Variants in SETD2 observed in about 807,000 individuals in gnomAD.
SETD2 encodes the protein SET domain containing 2, histone lysine methyltransferase.
A neutral mutation model predicts 242.1 loss-of-function variants in SETD2; 31 were observed. The observed-to-expected ratio is 0.13, with a 90% CI of 0.10 to 0.17. SETD2 has a LOEUF of 0.17. Ranked by LOEUF, SETD2 falls within the 10% of genes least tolerant of loss-of-function variation. The probability of loss-of-function intolerance (pLI) is 1.00; values close to 1 mark genes in which losing one functional copy is unlikely to be tolerated. For missense variants in SETD2, 2,481 were observed against 3,046.3 expected (o/e 0.81, Z 4.37); for synonymous variants, 1,006 against 1,066.5 (o/e 0.94, Z 1.11).
At chr3:47,085,382 T>C (rs907988777) in intron 11 of SETD2, among the ~76,000 whole-genome samples, 1 of 152,254 alleles carries the variant, frequency 6.6e-6, no homozygotes, top group Non-Finnish European at 1.5e-5. Flanking sequence ...ATGTCTGTCA[T>C]ACACACAAAA....
chr3:47,046,396 A>AAAAACCCAAAAG, intron 16 of SETD2, 91 bp downstream of exon 16: 1 of 1,241,106 alleles, frequency 8.1e-7, no homozygotes, highest in Non-Finnish European at 1.1e-6. Flanking sequence ...AAACCCAAAA[A>AAAAACCCAAAAG]TAAAACCCAA....
intron 1 of SETD2, among the ~76,000 whole-genome samples, chr3:47,158,774 G>C (rs1419411704): frequency 6.6e-6 from 1 of 152,090 alleles, no homozygotes; most frequent in African/African-American, 2.4e-5. Flanking sequence ...TTGATCAAGA[G>C]TCACCTGCAT....
At chr3:47,148,242 T>C (rs2043907839) in intron 1 of SETD2, among the ~76,000 whole-genome samples, 1 of 152,008 alleles carries the variant, frequency 6.6e-6, no homozygotes. Flanking sequence ...ACAATTCTCC[T>C]GCCTCAGCCT....
intron 9 of SETD2, among the ~76,000 whole-genome samples, chr3:47,090,585 T>C (rs2041759593): frequency 1.3e-5 from 2 of 151,826 alleles, no homozygotes; most frequent in African/African-American, 4.8e-5. Context: ...AGAGACAGGG[T>C]TTCACCATGT....
intron 12 of SETD2, among the ~76,000 whole-genome samples, chr3:47,076,947 CTA>C (rs1388043110): frequency 6.6e-6 from 1 of 152,064 alleles, no homozygotes; most frequent in Admixed American, 6.6e-5. Flanking sequence ...TTAATCACAT[CTA>C]TGTTTTTAAA....
chr3:47,130,958 AAGGAACC>A (rs1218638389), intron 1 of SETD2, among the ~76,000 whole-genome samples: 1 of 152,196 alleles, frequency 6.6e-6, no homozygotes, highest in Non-Finnish European at 1.5e-5. Flanking sequence ...TGGCAAGCTC[AAGGAACC>A]AAAGAATGAC....
At chr3:47,163,373 G>A (rs1375996776) in intron 1 of SETD2, 2 of 152,034 alleles carry the variant, frequency 1.3e-5, no homozygotes, top group Non-Finnish European at 2.9e-5. Context: ...CGCCGTCGCG[G>A]GGAGGTCGGG....
At chr3:47,058,572 T>C (rs995560487) in intron 14 of SETD2, among the ~76,000 whole-genome samples, 7 of 146,676 alleles carry the variant, frequency 4.8e-5, no homozygotes, top group Admixed American at 2.0e-4. Context: ...ATGAATACAA[T>C]GGACTACTCA....
At chr3:47,128,803 G>A (rs1016143630) in intron 1 of SETD2, among the ~76,000 whole-genome samples, 3 of 151,998 alleles carry the variant, frequency 2.0e-5, no homozygotes, top group Non-Finnish European at 2.9e-5. Flanking sequence ...ACGTCTCAAC[G>A]TTCATAAAAT....
At chr3:47,031,083 G>A (rs1227267978) in intron 18 of SETD2, among the ~76,000 whole-genome samples, 1 of 152,212 alleles carries the variant, frequency 6.6e-6, no homozygotes, top group East Asian at 1.9e-4. Context: ...CAGGAACTGG[G>A]GAAGAGGGAT....
chr3:47,106,593 C>T (rs2042434873), intron 5 of SETD2, among the ~76,000 whole-genome samples: 1 of 147,566 alleles, frequency 6.8e-6, no homozygotes. Context: ...GGGTGGATCA[C>T]CTGAGGTCAC....
Position 47,121,013 on chromosome 3 carries a change from T to C in SETD2, c.3623A>G (p.Asp1208Gly), listed in dbSNP as rs766811216. 7 of 1,614,090 alleles carry C rather than the reference T, an allele frequency of 4.3e-6. No homozygotes were observed. The highest frequency in any genetic ancestry group is 1.7e-6 in the Non-Finnish European group (2 of 1,180,020). The change falls in exon 3 of 21, where the codon GAT becomes GGT. Residue 1208 changes from aspartate to glycine, a missense_variant. By Grantham distance (94) the Asp-to-Gly change is moderately conservative. This residue lies in a region of SETD2 where 1,300 missense variants were observed against 1,259.2 expected (regional missense o/e 1.03). Transcript: ENST00000409792. Reference protein sequence around the residue: ...QQEELPIYSSDFEDVPNKSWQ... With the variant: ...QQEELPIYSSGFEDVPNKSWQ... ...AGACTTATTTGGGACATCTTCAAAATCAGAAGAATAAATTGGCAGCTCTTC... is the reference window on the plus strand; with the variant it reads ...AGACTTATTTGGGACATCTTCAAAACCAGAAGAATAAATTGGCAGCTCTTC...
chr3:47,159,800 C>A (rs750475053), intron 1 of SETD2, among the ~76,000 whole-genome samples: 10 of 152,184 alleles, frequency 6.6e-5, no homozygotes, highest in Non-Finnish European at 1.5e-4. Context: ...GAAGGTGAAA[C>A]CCCATCTCTA....
At chr3:47,112,326 G>A (rs2042687167) in intron 5 of SETD2, among the ~76,000 whole-genome samples, 1 of 152,074 alleles carries the variant, frequency 6.6e-6, no homozygotes, top group African/African-American at 2.4e-5. Context: ...TTGTCACCCA[G>A]GATGGAGTAC....
intron 1 of SETD2, among the ~76,000 whole-genome samples, chr3:47,137,928 A>C (rs968681671): frequency 4.6e-5 from 7 of 151,110 alleles, no homozygotes; most frequent in Non-Finnish European, 8.8e-5. Context: ...ACCTCAGGTG[A>C]TCCACCCGCC....
intron 18 of SETD2, among the ~76,000 whole-genome samples, chr3:47,036,265 C>T (rs553819072): frequency 2.0e-4 from 30 of 152,268 alleles, no homozygotes; most frequent in Non-Finnish European, 3.4e-4. Flanking sequence ...ATTCAAGACA[C>T]TTCATACGGT....
chr3:47,105,954 C>T (rs750232923), intron 6 of SETD2, 43 bp downstream of exon 6: 1 of 1,557,602 alleles, frequency 6.4e-7, no homozygotes, highest in South Asian at 1.1e-5. Flanking sequence ...CTCCTTCAAA[C>T]CTAACAGATC....
chr3:47,156,034 G>A (rs1036390478), intron 1 of SETD2, among the ~76,000 whole-genome samples: 3 of 152,072 alleles, frequency 2.0e-5, no homozygotes, highest in Non-Finnish European at 4.4e-5. Flanking sequence ...AAGAAACTGA[G>A]CAAAGAACAA....
intron 1 of SETD2, among the ~76,000 whole-genome samples, chr3:47,149,157 T>C (rs914910547): frequency 2.6e-5 from 4 of 152,210 alleles, no homozygotes; most frequent in Non-Finnish European, 5.9e-5. Context: ...AATCCAGTTG[T>C]TTATGAATGG....
Sources: allele counts gnomAD v4.1 joint callset (sites outside exome capture counted in the v4.1 genomes callset), GRCh38; gene constraint gnomAD v4.1.1; regional missense constraint gnomAD v4.1.1; transcripts MANE v1.5; gene names NCBI Gene and HGNC (gene_info 2026-07-23, HGNC 2026-07-21).